TET1: variants seen among roughly 807,000 people sequenced by gnomAD.
TET1 encodes the protein methylcytosine dioxygenase TET1.
Under a neutral mutation model 148.7 loss-of-function variants are expected in TET1, and 13 were observed. The ratio of observed to expected loss-of-function variants is 0.09; its 90% CI spans 0.06 to 0.14. TET1 has a LOEUF of 0.14. TET1 is among the 10% of genes least tolerant of loss of function. The pLI, the probability that TET1 is intolerant of heterozygous loss-of-function variation, is 1.00. For missense variants in TET1, 2,182 were observed against 2,553.8 expected (o/e 0.85, Z 3.14); for synonymous variants, 907 against 937.2 (o/e 0.97, Z 0.59).
At chr10:68,628,066 C>T (rs2054513444) in intron 3 of TET1, among the ~76,000 whole-genome samples, 2 of 152,060 alleles carry the variant, frequency 1.3e-5, no homozygotes, top group Admixed American at 6.6e-5. Context: ...GGCGTGATCT[C>T]GGCTCACTTG....
intron 2 of TET1, among the ~76,000 whole-genome samples, chr10:68,600,334 G>A (rs918995963): frequency 6.6e-6 from 1 of 152,122 alleles, no homozygotes; most frequent in African/African-American, 2.4e-5. Context: ...CGATCCAATG[G>A]TGGTGACCTG....
At chr10:68,597,787 A>G (rs1176417585) in intron 2 of TET1, among the ~76,000 whole-genome samples, 1 of 152,258 alleles carries the variant, frequency 6.6e-6, no homozygotes, top group Admixed American at 6.5e-5. Flanking sequence ...ATTCTGATAC[A>G]TTCTACAACA....
At chr10:68,607,213 G>T (rs1347924194) in intron 3 of TET1, among the ~76,000 whole-genome samples, 2 of 150,914 alleles carry the variant, frequency 1.3e-5, no homozygotes, top group Admixed American at 1.3e-4. Context: ...GTCCACAAAA[G>T]AACATATGCC....
intron 2 of TET1, among the ~76,000 whole-genome samples, chr10:68,595,257 T>C (rs185835446): frequency 8.2e-4 from 125 of 151,960 alleles, no homozygotes; most frequent in Non-Finnish European, 1.6e-3. Context: ...TGTGTACTTA[T>C]TCTTATTGAT....
At chr10:68,635,766 G>A (rs181320111) in intron 3 of TET1, among the ~76,000 whole-genome samples, 5 of 152,178 alleles carry the variant, frequency 3.3e-5, no homozygotes, top group East Asian at 3.9e-4. Flanking sequence ...TGAGGCAGGC[G>A]GATCACGTGA....
chr10:68,596,132 G>A (rs1439494273), intron 2 of TET1, among the ~76,000 whole-genome samples: 1 of 148,878 alleles, frequency 6.7e-6, no homozygotes, highest in Non-Finnish European at 1.5e-5. Flanking sequence ...TCCGCCTCCT[G>A]GGTTCAAGCG....
chr10:68,653,804 TC>T (rs2054975131), intron 6 of TET1, among the ~76,000 whole-genome samples: 2 of 152,292 alleles, frequency 1.3e-5, no homozygotes, highest in South Asian at 4.1e-4. Context: ...TCCAGGGTTT[TC>T]CCATTAAGTG....
chr10:68,577,239 G>A (rs906784722), intron 2 of TET1, among the ~76,000 whole-genome samples: 3 of 151,954 alleles, frequency 2.0e-5, no homozygotes, highest in Admixed American at 1.3e-4. Context: ...TAGAGACAGG[G>A]TTTTGCCATG....
chr10:68,637,936 C>T (rs1267082202), intron 3 of TET1, among the ~76,000 whole-genome samples: 1 of 151,796 alleles, frequency 6.6e-6, no homozygotes, highest in African/African-American at 2.4e-5. Context: ...TGTGCCACCT[C>T]GCCTGGCTAA....
rs1459655140 is a variant in TET1, at chr10:68,693,448, A to C, written c.*1634A>C. ...AACAGTTCCAGCAGGCTCTCTAAAG[A>C]AAAACTCATTGTAACTTATTAAAAT... is the stretch of plus-strand genomic sequence containing the variant. On this transcript the variant is annotated 3_prime_UTR_variant, in exon 12 of 12. Transcript: ENST00000373644. 4.3e-6 allele frequency: 1 copy of C among 233,254 alleles called. No homozygotes were observed. Among genetic ancestry groups the C allele is most frequent in the African/African-American group, 2.2e-5 (1 of 45,318 alleles). The allele number at this position is 233,254 out of a possible 1,614,324, so 14.4% of individuals were successfully genotyped here.
Position 68,692,382 on chromosome 10 carries a change from G to A in TET1, c.*568G>A, listed in dbSNP as rs2055605317. The A allele has an allele frequency of 4.3e-6, 1 of 231,872 alleles. No individual in the cohort carries two copies. Among genetic ancestry groups the A allele is most frequent in the African/African-American group, 2.2e-5 (1 of 45,244 alleles). The allele number at this position is 231,872 out of a possible 1,614,324, so 14.4% of individuals were successfully genotyped here. ...TTTCTCCTGTGTAAAATAAATCATT[G>A]TTGTTAGTAATGGTTGGAGGCTGTT... On this transcript the variant is annotated 3_prime_UTR_variant, in exon 12 of 12. Transcript: ENST00000373644.
chr10:68,596,514 C>T (rs2053991063), intron 2 of TET1, among the ~76,000 whole-genome samples: 1 of 152,010 alleles, frequency 6.6e-6, no homozygotes, highest in Non-Finnish European at 1.5e-5. Context: ...GCCTTGAAAT[C>T]CTGGGCTTAA....
chr10:68,586,814 G>T (rs977562753), intron 2 of TET1, among the ~76,000 whole-genome samples: 2 of 152,178 alleles, frequency 1.3e-5, no homozygotes, highest in African/African-American at 4.8e-5. Context: ...GCCATGAGGA[G>T]CAGAGATGAT....
chr10:68,684,245 AATT>A (rs2055478561), intron 10 of TET1, among the ~76,000 whole-genome samples: 1 of 152,150 alleles, frequency 6.6e-6, no homozygotes, highest in East Asian at 1.9e-4. Flanking sequence ...TTTAAAAAAT[AATT>A]TTTTTTAGGT....
intron 2 of TET1, among the ~76,000 whole-genome samples, chr10:68,581,544 C>A: frequency 6.6e-6 from 1 of 151,982 alleles, no homozygotes; most frequent in East Asian, 1.9e-4. Context: ...GTGTGAAAGC[C>A]AAAGAAAACA....
intron 3 of TET1, among the ~76,000 whole-genome samples, chr10:68,621,416 T>C (rs1244210934): frequency 6.6e-6 from 1 of 152,014 alleles, no homozygotes; most frequent in East Asian, 1.9e-4. Flanking sequence ...AAACCCCGTA[T>C]TTACTAAAAA....
At chr10:68,661,056 G>T in intron 6 of TET1, among the ~76,000 whole-genome samples, 1 of 150,226 alleles carries the variant, frequency 6.7e-6, no homozygotes, top group Non-Finnish European at 1.5e-5. Context: ...TTGAGACAGA[G>T]TCTTGCTCTG....
At position 68,694,388 on chromosome 10, in the gene TET1, G is replaced by A. The variant is rs2055630116; in HGVS notation, c.*2574G>A. On this transcript the variant is annotated 3_prime_UTR_variant, in exon 12 of 12. Coordinates refer to ENST00000373644, the MANE Select transcript of TET1 (RefSeq NM_030625.3). ...TTTTTAAAAGCTTATTCAATGTTCT[G>A]CAGCATTGTGATTGTATGCTGGCTA... 1 of 232,130 alleles carries A rather than the reference G, an allele frequency of 4.3e-6. No homozygotes were observed. The highest frequency in any genetic ancestry group is 2.2e-5 in the African/African-American group (1 of 45,210). The allele number at this position is 232,130 out of a possible 1,614,324, so 14.4% of individuals were successfully genotyped here. A position where few individuals can be genotyped will look rare whatever the true frequency, so the allele number is the denominator to read the frequency against.
chr10:68,656,855 G>A (rs899575476), intron 6 of TET1, among the ~76,000 whole-genome samples: 2 of 151,414 alleles, frequency 1.3e-5, no homozygotes, highest in African/African-American at 2.4e-5. Flanking sequence ...GTGAAACTCC[G>A]TCTCTAGTAA....
Sources: gnomAD v4.1 joint callset for allele counts (sites outside exome capture counted in the v4.1 genomes callset) on GRCh38, gnomAD v4.1.1 for gene constraint, MANE v1.5 for transcripts, NCBI Gene and HGNC (gene_info 2026-07-23, HGNC 2026-07-21) for gene names.